DTNA: variants seen among roughly 807,000 people sequenced by gnomAD.
DTNA encodes dystrobrevin alpha, also known as dystrophin-related protein 3.
DTNA carries 43 observed loss-of-function variants against 100.7 expected under a neutral mutation model. The ratio of observed to expected loss-of-function variants is 0.43; its 90% CI spans 0.33 to 0.55. DTNA has a LOEUF of 0.55. Among genes scored for constraint, DTNA ranks in the 20% least tolerant of loss-of-function variants. The probability of loss-of-function intolerance (pLI) is 0.04; values close to 1 mark genes in which losing one functional copy is unlikely to be tolerated. For missense variants in DTNA, 798 were observed against 953.9 expected, an observed-to-expected ratio of 0.84 and a Z score of 2.15; for synonymous variants, 349 against 347.9, an observed-to-expected ratio of 1.00 and a Z score of -0.04.
At chr18:34,728,194 G>T (rs2087195816) in intron 1 of DTNA, among the ~76,000 whole-genome samples, 1 of 152,164 alleles carries the variant, frequency 6.6e-6, no homozygotes, top group Admixed American at 6.5e-5. Flanking sequence ...AATGTTAATA[G>T]TATGGTTTTT....
At chr18:34,544,542 C>T (rs1279973290) in intron 1 of DTNA, among the ~76,000 whole-genome samples, 1 of 152,040 alleles carries the variant, frequency 6.6e-6, no homozygotes, top group Non-Finnish European at 1.5e-5. Flanking sequence ...TAATTGTGGA[C>T]CTTCTATGGA....
intron 1 of DTNA, among the ~76,000 whole-genome samples, chr18:34,638,934 C>T (rs1381092214): frequency 1.3e-5 from 2 of 152,130 alleles, no homozygotes; most frequent in African/African-American, 2.4e-5. Flanking sequence ...CTTCACCTCC[C>T]GGGTTCAAGT....
chr18:34,840,365 T>C (rs2096245809), intron 13 of DTNA, among the ~76,000 whole-genome samples: 2 of 152,174 alleles, frequency 1.3e-5, no homozygotes. Context: ...GCTGAAGCAG[T>C]AGAACTAAGC....
intron 1 of DTNA, among the ~76,000 whole-genome samples, chr18:34,533,229 G>C (rs1452401475): frequency 6.6e-6 from 1 of 151,808 alleles, no homozygotes; most frequent in African/African-American, 2.4e-5. Flanking sequence ...AAAATTAGCT[G>C]GGCATGGTGG....
rs141779028 is a variant in DTNA, at chr18:34,676,329, A to G, written c.-1-79647A>G. Among the ~76,000 whole-genome samples, 1,372 of 152,282 alleles carry G rather than the reference A, an allele frequency of 9.0e-3. 24 individuals carry two copies. Among genetic ancestry groups the G allele is most frequent in the African/African-American group, 0.031 (1,276 of 41,554 alleles). On this transcript the variant is annotated intron_variant, in intron 1 of 19. Coordinates refer to the DTNA transcript ENST00000283365. Reference sequence around the variant, plus strand: ...CTACATGCCTAAAATGCAGCACCCAAAATGAATGAAATACTTCTTTCTTTT... The same window carrying G: ...CTACATGCCTAAAATGCAGCACCCAGAATGAATGAAATACTTCTTTCTTTT...
chr18:34,688,733 G>A (rs1440161080), intron 1 of DTNA, among the ~76,000 whole-genome samples: 3 of 152,146 alleles, frequency 2.0e-5, no homozygotes, highest in African/African-American at 7.2e-5. Context: ...ATCCTGAAGT[G>A]TGTTTTCTAA....
chr18:34,525,603 A>C (rs1207113959), intron 1 of DTNA, among the ~76,000 whole-genome samples: 1 of 152,164 alleles, frequency 6.6e-6, no homozygotes, highest in African/African-American at 2.4e-5. Context: ...TTTCTCTTAA[A>C]GGAGAGTATA....
At chr18:34,877,869 G>A (rs1603341181) in intron 19 of DTNA, 61 bp downstream of exon 19, 2 of 1,407,826 alleles carry the variant, frequency 1.4e-6, no homozygotes, top group South Asian at 2.3e-5. Flanking sequence ...AAGTGCTAGG[G>A]GTCTCTCTTA....
chr18:34,876,711 A>T (rs2096822435), intron 18 of DTNA, among the ~76,000 whole-genome samples: 1 of 152,180 alleles, frequency 6.6e-6, no homozygotes, highest in Non-Finnish European at 1.5e-5. Flanking sequence ...ATGAGAGAGA[A>T]TGATGAACTC....
intron 6 of DTNA, among the ~76,000 whole-genome samples, chr18:34,815,389 G>A (rs548579112): frequency 1.6e-4 from 24 of 152,322 alleles, no homozygotes; most frequent in South Asian, 4.1e-4. Context: ...TTTTAAAAAT[G>A]TAGATGGTTC....
At chr18:34,604,039 G>A (rs2052499611) in intron 1 of DTNA, among the ~76,000 whole-genome samples, 1 of 152,142 alleles carries the variant, frequency 6.6e-6, no homozygotes, top group Non-Finnish European at 1.5e-5. Flanking sequence ...CTAAATATGT[G>A]TTATAGTTGT....
At chr18:34,564,498 T>C (rs1192512826) in intron 1 of DTNA, among the ~76,000 whole-genome samples, 1 of 152,218 alleles carries the variant, frequency 6.6e-6, no homozygotes, top group Non-Finnish European at 1.5e-5. Flanking sequence ...AAAGTCATAG[T>C]CTTATTTATT....
At chr18:34,813,631 G>C (rs1226691529) in intron 6 of DTNA, among the ~76,000 whole-genome samples, 2 of 152,040 alleles carry the variant, frequency 1.3e-5, no homozygotes, top group Non-Finnish European at 2.9e-5. Flanking sequence ...AAGGCGGGCG[G>C]ATCACAAGGT....
At chr18:34,520,711 C>A (rs548315273) in intron 1 of DTNA, among the ~76,000 whole-genome samples, 7 of 152,196 alleles carry the variant, frequency 4.6e-5, no homozygotes, top group African/African-American at 1.7e-4. Flanking sequence ...GCTGAAACAT[C>A]TGAGAACCCT....
At chr18:34,673,738 T>A (rs1003320489) in intron 1 of DTNA, among the ~76,000 whole-genome samples, 1 of 152,164 alleles carries the variant, frequency 6.6e-6, no homozygotes, top group Admixed American at 6.6e-5. Context: ...AGGTATATAT[T>A]TTTTTCCTGT....
chr18:34,747,363 G>A (rs916154652), intron 1 of DTNA, among the ~76,000 whole-genome samples: 3 of 151,804 alleles, frequency 2.0e-5, no homozygotes, highest in Admixed American at 6.6e-5. Context: ...TATTTCAATA[G>A]TTTTGGGGGC....
chr18:34,772,946 G>A (rs965018610), intron 3 of DTNA, among the ~76,000 whole-genome samples: 37 of 152,292 alleles, frequency 2.4e-4, no homozygotes, highest in Middle Eastern at 3.4e-3. Flanking sequence ...TTGGGGCCCC[G>A]TTTCCTTGCT....
At chr18:34,675,560 GAA>G (rs1413861395) in intron 1 of DTNA, among the ~76,000 whole-genome samples, 1 of 152,032 alleles carries the variant, frequency 6.6e-6, no homozygotes, top group Non-Finnish European at 1.5e-5. Context: ...ATATTTATAA[GAA>G]AAAGAAGACA....
chr18:34,626,668 C>G (rs2057360555), intron 1 of DTNA, among the ~76,000 whole-genome samples: 1 of 152,124 alleles, frequency 6.6e-6, no homozygotes. Flanking sequence ...AGTTCAATTT[C>G]CACCCAAAAC....
Sources: allele counts gnomAD v4.1 joint callset (sites outside exome capture counted in the v4.1 genomes callset), GRCh38; gene constraint gnomAD v4.1.1; transcripts MANE v1.5; gene names NCBI Gene and HGNC (gene_info 2026-07-23, HGNC 2026-07-21).